FAM53A: variants seen among roughly 807,000 people sequenced by gnomAD.
FAM53A encodes protein FAM53A.
Under a neutral mutation model 26.6 loss-of-function variants are expected in FAM53A, and 28 were observed. That is an observed-to-expected ratio of 1.05 (90% CI 0.78 to 1.45). The LOEUF (loss-of-function observed/expected upper bound fraction) is 1.45. Among genes scored for constraint, FAM53A ranks in the 40% most tolerant of loss-of-function variants. FAM53A has a pLI of 0.00. For synonymous variants in FAM53A, 290 were observed against 253.1 expected (o/e 1.15, Z -1.38); for missense variants, 650 against 575.8 (o/e 1.13, Z -1.32).
chr4:1,574,435 A>G, the FAM53A span: 1 of 152,490 alleles, frequency 6.6e-6, no homozygotes, highest in Non-Finnish European at 1.5e-5. Context: ...CCTGCCGGTC[A>G]TGTGACTGCT....
chr4:1,679,991 C>G (rs1715305509), intron 1 of FAM53A, among the ~76,000 whole-genome samples: 1 of 150,158 alleles, frequency 6.7e-6, no homozygotes, highest in South Asian at 2.1e-4. Context: ...CCATTGCGCT[C>G]CAGCCTGAGC....
intron 1 of FAM53A, among the ~76,000 whole-genome samples, chr4:1,618,827 G>A (rs891509027): frequency 3.9e-5 from 6 of 152,112 alleles, no homozygotes; most frequent in South Asian, 2.1e-4. Flanking sequence ...AGCCAGCCCC[G>A]ACCCCCAGCC....
chr4:1,600,643 G>C, the FAM53A span, among the ~76,000 whole-genome samples: 1 of 152,220 alleles, frequency 6.6e-6, no homozygotes, highest in Non-Finnish European at 1.5e-5. Flanking sequence ...TGCTCCACCT[G>C]ACCACTTCTT....
rs141226170 is a variant in FAM53A, at chr4:1,664,654, A to G, written c.75+4013T>C. Among the ~76,000 whole-genome samples the G allele has an allele frequency of 5.3e-5, 8 of 152,310 alleles. No homozygotes were observed. In the East Asian group the frequency reaches 1.3e-3, roughly 26 times the overall value. ...CACTGAGTAACTGGGTTTCCTCAAC[A>G]CAGGCAATCACACTGTCCGAATTAC... On this transcript the variant is annotated intron_variant, in intron 2 of 4. Transcript: ENST00000308132.
At chr4:1,657,799 G>A (rs1968620) in intron 2 of FAM53A, among the ~76,000 whole-genome samples, 4,318 of 148,654 alleles carry the variant, frequency 0.029, 214 homozygotes, top group African/African-American at 0.099. Context: ...CACCACGCCC[G>A]GTTAATTTTT....
intron 2 of FAM53A, among the ~76,000 whole-genome samples, chr4:1,667,965 C>T (rs1424798065): frequency 2.0e-5 from 3 of 152,170 alleles, no homozygotes; most frequent in African/African-American, 7.2e-5. Flanking sequence ...ACGTGGTGAT[C>T]AAATCCAAGA....
Position 1,659,293 on chromosome 4 carries a change from C to T in FAM53A, c.76-1825G>A, listed in dbSNP as rs921403779. ...CTGCTAAAGGACTTGAAGGCTTTCA[C>T]GCCACAGGGACCCTTGTTGCTGTCG... is the stretch of plus-strand genomic sequence containing the variant. On this transcript the variant is annotated intron_variant, in intron 2 of 4. Coordinates refer to ENST00000308132, the MANE Select transcript of FAM53A (RefSeq NM_001174070.3). This position sits in a 1 kb window ranked among gnomAD's most constrained non-coding sequence, Gnocchi z 5.2. Among the ~76,000 whole-genome samples the T allele has an allele frequency of 2.0e-4, 31 of 152,316 alleles. No individual in the cohort carries two copies. The highest frequency in any genetic ancestry group is 7.2e-4 in the African/African-American group (30 of 41,564).
chr4:1,660,933 C>G (rs764073727), intron 2 of FAM53A, among the ~76,000 whole-genome samples: 4 of 152,038 alleles, frequency 2.6e-5, no homozygotes, highest in Admixed American at 6.5e-5. Context: ...CCAATCAATC[C>G]CAGCCTGTAT....
At chr4:1,634,008 C>A (rs1418570067) in intron 1 of FAM53A, among the ~76,000 whole-genome samples, 1 of 152,090 alleles carries the variant, frequency 6.6e-6, no homozygotes, top group Non-Finnish European at 1.5e-5. Context: ...TTCAGGGACA[C>A]CCGGGAGGAC....
At chr4:1,584,127 CCATT>C in the FAM53A span, among the ~76,000 whole-genome samples, 2 of 152,216 alleles carry the variant, frequency 1.3e-5, no homozygotes, top group Non-Finnish European at 2.9e-5. Context: ...CCTCTGTCGT[CCATT>C]CATTAACATG....
the FAM53A span, among the ~76,000 whole-genome samples, chr4:1,590,955 C>CATATATATATAT: frequency 4.3e-4 from 20 of 46,302 alleles, no homozygotes; most frequent in South Asian, 1.1e-3. Context: ...TTATTTAATG[C>CATATATATATAT]ATATATATAT....
At chr4:1,620,013 G>T (rs1158511616) in intron 1 of FAM53A, among the ~76,000 whole-genome samples, 3 of 151,946 alleles carry the variant, frequency 2.0e-5, no homozygotes, top group Non-Finnish European at 4.4e-5. Flanking sequence ...TTCGAGACCA[G>T]CCTGGCCAAT....
At chr4:1,590,464 C>T in the FAM53A span, among the ~76,000 whole-genome samples, 4 of 152,114 alleles carry the variant, frequency 2.6e-5, no homozygotes, top group African/African-American at 7.2e-5. Flanking sequence ...AAAACTCTCA[C>T]CCAGGTCCAG....
chr4:1,604,608 TG>T, the FAM53A span, among the ~76,000 whole-genome samples: 2 of 152,018 alleles, frequency 1.3e-5, no homozygotes, highest in Non-Finnish European at 2.9e-5. Context: ...CAACAAGTGC[TG>T]GGACCGCATG....
At chr4:1,580,246 C>G in the FAM53A span, 5 of 152,214 alleles carry the variant, frequency 3.3e-5, no homozygotes, top group Admixed American at 2.0e-4. Flanking sequence ...GCTGCAGCCC[C>G]GCGGCCGCCG....
chr4:1,666,284 CCT>C (rs143049634), intron 2 of FAM53A, among the ~76,000 whole-genome samples: 2 of 137,622 alleles, frequency 1.5e-5, no homozygotes, highest in Admixed American at 7.3e-5. Context: ...ACCTGCACCC[CCT>C]GTATCTAAAA....
chr4:1,684,102 C>T (rs2109097992), intron 1 of FAM53A, 131 bp downstream of exon 1: 1 of 152,126 alleles, frequency 6.6e-6, no homozygotes, highest in African/African-American at 2.4e-5. Flanking sequence ...GCTCGGAGCG[C>T]AGGGCCCCGC....
In FAM53A at chr4:1,630,729, C is replaced by T. The variant is rs762629555; in HGVS notation, c.432-12618G>A. ...TGCCCAGCTCCACAGAGACAACAAG[C>T]GGAGGGGAGGCTGCCAGGGCAGGGC... On this transcript the variant is annotated intron_variant, in intron 1 of 1. Coordinates refer to the FAM53A transcript ENST00000489029. This position sits in a 1 kb window ranked among gnomAD's most constrained non-coding sequence, Gnocchi z 4.3. 6.6e-5 allele frequency among the ~76,000 whole-genome samples: 10 copies of T among 151,924 alleles called. No individual in the cohort carries two copies. Among genetic ancestry groups the T allele is most frequent in the East Asian group, 1.9e-4 (1 of 5,174 alleles).
chr4:1,633,174 A>G (rs749014297), intron 1 of FAM53A, among the ~76,000 whole-genome samples: 6 of 152,224 alleles, frequency 3.9e-5, no homozygotes, highest in African/African-American at 9.6e-5. Flanking sequence ...AGGTACACTC[A>G]TGCTCACACA....
Sources: gnomAD v4.1 joint callset for allele counts (sites outside exome capture counted in the v4.1 genomes callset) on GRCh38, gnomAD v4.1.1 for gene constraint, Gnocchi (gnomAD v3.1) non-coding constraint, MANE v1.5 for transcripts, NCBI Gene and HGNC (gene_info 2026-07-23, HGNC 2026-07-21) for gene names.